SEMA6D: variants seen among roughly 807,000 people sequenced by gnomAD.
SEMA6D encodes the protein semaphorin 6D.
SEMA6D carries 35 observed loss-of-function variants against 106.6 expected under a neutral mutation model. The ratio of observed to expected loss-of-function variants is 0.33; its 90% confidence interval spans 0.25 to 0.44. SEMA6D has a LOEUF of 0.44. Among genes scored for constraint, SEMA6D ranks in the 20% least tolerant of loss-of-function variants. The pLI, the probability that SEMA6D is intolerant of heterozygous loss-of-function variation, is 1.00. For missense variants in SEMA6D, 1,185 were observed against 1,345.9 expected, an observed-to-expected ratio of 0.88 and a Z score of 1.87; for synonymous variants, 499 against 487.7, an observed-to-expected ratio of 1.02 and a Z score of -0.31.
chr15:47,368,337 C>G (rs979620906), intron 1 of SEMA6D, among the ~76,000 whole-genome samples: 2 of 152,226 alleles, frequency 1.3e-5, no homozygotes, highest in Admixed American at 1.3e-4. Context: ...CCAACACCAT[C>G]ATTAGGCAAC....
intron 1 of SEMA6D, among the ~76,000 whole-genome samples, chr15:47,197,625 A>C (rs1894448252): frequency 1.3e-5 from 2 of 151,994 alleles, no homozygotes. Context: ...CTACCACAAC[A>C]AAATTAGTGG....
intron 1 of SEMA6D, among the ~76,000 whole-genome samples, chr15:47,300,638 G>A (rs1226700628): frequency 6.6e-6 from 1 of 152,142 alleles, no homozygotes; most frequent in Non-Finnish European, 1.5e-5. Flanking sequence ...GTACTCATAG[G>A]TTTTAATTTA....
intron 1 of SEMA6D, chr15:47,396,790 T>C (rs770636442): frequency 1.3e-5 from 2 of 152,128 alleles, no homozygotes; most frequent in African/African-American, 2.4e-5. Context: ...TCCAATCAAG[T>C]TGATACTTAG....
At chr15:47,279,769 C>T (rs1566969721) in intron 1 of SEMA6D, among the ~76,000 whole-genome samples, 2 of 151,966 alleles carry the variant, frequency 1.3e-5, no homozygotes, top group South Asian at 2.1e-4. Flanking sequence ...GCCTTTTCTG[C>T]ATCTATTGAG....
intron 2 of SEMA6D, among the ~76,000 whole-genome samples, chr15:47,432,562 C>CGCATATGTATATACATATACAGCTATAT (rs1367159285): frequency 4.6e-5 from 2 of 43,332 alleles, no homozygotes; most frequent in African/African-American, 1.5e-4. Flanking sequence ...TATACATATA[C>CGCATATGTATATACATATACAGCTATAT]GCATATGTAT....
intron 1 of SEMA6D, among the ~76,000 whole-genome samples, chr15:47,372,470 T>A (rs1197933416): frequency 6.6e-6 from 1 of 152,192 alleles, no homozygotes; most frequent in Non-Finnish European, 1.5e-5. Context: ...GCAGAAGCTG[T>A]CTCCATATTT....
chr15:47,225,856 G>A (rs1255226529), intron 1 of SEMA6D, among the ~76,000 whole-genome samples: 1 of 152,020 alleles, frequency 6.6e-6, no homozygotes, highest in Non-Finnish European at 1.5e-5. Context: ...AGAATTCTTT[G>A]ACTGTTTGGT....
At chr15:47,594,899 G>T (rs979224643) in intron 3 of SEMA6D, among the ~76,000 whole-genome samples, 15 of 152,174 alleles carry the variant, frequency 9.9e-5, no homozygotes, top group African/African-American at 3.6e-4. Flanking sequence ...GTGTGTATCT[G>T]TGTGTAGAGG....
At chr15:47,189,885 T>C (rs1893846994) in intron 1 of SEMA6D, among the ~76,000 whole-genome samples, 1 of 152,236 alleles carries the variant, frequency 6.6e-6, no homozygotes, top group African/African-American at 2.4e-5. Flanking sequence ...TGCATAAAGC[T>C]TTAAAATTTT....
chr15:47,570,994 A>C (rs2046366962), intron 3 of SEMA6D, among the ~76,000 whole-genome samples: 1 of 152,186 alleles, frequency 6.6e-6, no homozygotes, highest in Admixed American at 6.5e-5. Context: ...GACTCTATGA[A>C]TAGATCCAAA....
At chr15:47,454,466 G>A (rs2042284290) in intron 2 of SEMA6D, among the ~76,000 whole-genome samples, 1 of 151,846 alleles carries the variant, frequency 6.6e-6, no homozygotes, top group Non-Finnish European at 1.5e-5. Context: ...GGACTGCATG[G>A]CATCTTGTGA....
chr15:47,194,261 C>CA (rs539739480), intron 1 of SEMA6D, among the ~76,000 whole-genome samples: 5 of 152,082 alleles, frequency 3.3e-5, no homozygotes, highest in Non-Finnish European at 7.3e-5. Flanking sequence ...TAAGGAGATA[C>CA]AGAAGGTTAA....
intron 3 of SEMA6D, among the ~76,000 whole-genome samples, chr15:47,481,812 A>G (rs1002095759): frequency 3.9e-5 from 6 of 152,192 alleles, no homozygotes; most frequent in African/African-American, 1.4e-4. Flanking sequence ...CCTGTTTAAG[A>G]TACAGCTCTA....
intron 4 of SEMA6D, among the ~76,000 whole-genome samples, chr15:47,644,298 C>T (rs1229629975): frequency 2.0e-5 from 3 of 152,190 alleles, no homozygotes; most frequent in Non-Finnish European, 2.9e-5. Flanking sequence ...TAAGTGCATA[C>T]ACAATTGCAC....
chr15:47,229,067 C>T (rs1406947209), intron 1 of SEMA6D, among the ~76,000 whole-genome samples: 1 of 152,004 alleles, frequency 6.6e-6, no homozygotes, highest in African/African-American at 2.4e-5. Flanking sequence ...TATTGTCTTA[C>T]TGAGCGTATA....
intron 1 of SEMA6D, among the ~76,000 whole-genome samples, chr15:47,209,253 T>A (rs945965172): frequency 2.0e-5 from 3 of 152,224 alleles, no homozygotes; most frequent in Non-Finnish European, 4.4e-5. Flanking sequence ...ACTGGTTCTT[T>A]TTTTATCTAC....
chr15:47,769,499 T>C (rs2082521639), intron 18 of SEMA6D, among the ~76,000 whole-genome samples: 1 of 152,180 alleles, frequency 6.6e-6, no homozygotes, highest in Admixed American at 6.5e-5. Flanking sequence ...CACCATTTTT[T>C]TCTACTTTTC....
chr15:47,227,706 CT>C (rs970925819), intron 1 of SEMA6D, among the ~76,000 whole-genome samples: 1 of 150,264 alleles, frequency 6.7e-6, no homozygotes. Context: ...ATAGGCCCAC[CT>C]GACAAAAGAA....
At chr15:47,571,647 T>G (rs2046386221) in intron 3 of SEMA6D, among the ~76,000 whole-genome samples, 1 of 152,222 alleles carries the variant, frequency 6.6e-6, no homozygotes, top group African/African-American at 2.4e-5. Context: ...CTGCTAAAAC[T>G]TTTATTTAAC....
Sources: gnomAD v4.1 joint callset for allele counts (sites outside exome capture counted in the v4.1 genomes callset) on GRCh38, gnomAD v4.1.1 for gene constraint, MANE v1.5 for transcripts, NCBI Gene and HGNC (gene_info 2026-07-23, HGNC 2026-07-21) for gene names.